SPSB1: variants seen among roughly 807,000 people sequenced by gnomAD.
SPSB1 encodes SPRY domain-containing SOCS box protein 1.
In SPSB1, 8 loss-of-function variants were observed where a neutral mutation model predicts 21.2. The ratio of observed to expected loss-of-function variants is 0.38; its 90% CI spans 0.22 to 0.68. SPSB1 has a LOEUF of 0.68. SPSB1 is among the 30% of genes least tolerant of loss of function. The pLI, the probability that SPSB1 is intolerant of heterozygous loss-of-function variation, is 0.53. For synonymous variants in SPSB1, 169 were observed against 161.7 expected, an observed-to-expected ratio of 1.05 and a Z score of -0.34; for missense variants, 242 against 377.8, an observed-to-expected ratio of 0.64 and a Z score of 2.98.
Position 9,356,577 on chromosome 1 carries a change from G to A in SPSB1, c.686G>A (p.Gly229Glu). The change falls in exon 2 of 3, where the codon GGA (glycine) becomes GAA (glutamate). Residue 229 changes from glycine to glutamate, a missense_variant. Physicochemically the swap from Gly to Glu is moderately conservative, Grantham distance 98. Coordinates refer to ENST00000328089, the MANE Select transcript of SPSB1 (RefSeq NM_025106.4). This position sits in a 1 kb window ranked among gnomAD's most constrained non-coding sequence, Gnocchi z 7.4. ...GAGATCCGAATGCGCTACTTGAACG[G>A]ACTCGATCGTAAGTGTCTCCTCTGC... The part of the protein sequence containing the change: ...HCEIRMRYLN[G>E]LDPEPLPLMD... 6.3e-7 allele frequency: 1 copy of A among 1,587,990 alleles called. No homozygotes were observed. Among genetic ancestry groups the A allele is most frequent in the Non-Finnish European group, 8.6e-7 (1 of 1,162,616 alleles).
Position 9,348,288 on chromosome 1 carries a change from C to T in SPSB1, c.-149-7455C>T, listed in dbSNP as rs544764581. 3.0e-4 allele frequency among the ~76,000 whole-genome samples: 46 copies of T among 152,194 alleles called. No homozygotes were observed. Among genetic ancestry groups the T allele is most frequent in the Admixed American group, 2.6e-3 (39 of 15,276 alleles). On this transcript the variant is annotated intron_variant, in intron 1 of 2. Coordinates refer to ENST00000328089, the MANE Select transcript of SPSB1 (RefSeq NM_025106.4). This position sits in a 1 kb window ranked among gnomAD's most constrained non-coding sequence, Gnocchi z 4.8. ...CCACAGCACTGTCTCGCTCCTGTCT[C>T]GGCGGTAGTGCTGTGTCTAGCATCA...
At chr1:9,309,301 AGT>A (rs35952855) in intron 1 of SPSB1, among the ~76,000 whole-genome samples, 3,809 of 132,974 alleles carry the variant, frequency 0.029, 58 homozygotes, top group Middle Eastern at 0.047. Flanking sequence ...AGAGAGAGAG[AGT>A]GTGTGTGTGT....
At chr1:9,327,929 C>A (rs1639843157) in intron 1 of SPSB1, among the ~76,000 whole-genome samples, 1 of 152,232 alleles carries the variant, frequency 6.6e-6, no homozygotes, top group African/African-American at 2.4e-5. Context: ...AGAGGACGGG[C>A]CCTAACGGGG....
chr1:9,337,854 G>A (rs550518231), intron 1 of SPSB1, among the ~76,000 whole-genome samples: 2 of 152,228 alleles, frequency 1.3e-5, no homozygotes, highest in African/African-American at 4.8e-5. Flanking sequence ...TCTAGCCGAA[G>A]ATCAGCATGG....
rs1184438800 is a variant in SPSB1, at chr1:9,356,247, C to T, written c.356C>T (p.Thr119Met). The part of the protein sequence containing the change: ...RGTHAVVGVA[T>M]ADAPLHSVGY... ...ACACACGCCGTGGTGGGGGTGGCGA[C>T]GGCAGACGCCCCCCTGCACTCTGTC... The change falls in exon 2 of 3, where the codon ACG (threonine) becomes ATG (methionine). Residue 119 changes from threonine (T) to methionine (M), a missense_variant. Physicochemically the swap from Thr to Met is moderately conservative, Grantham distance 81. Coordinates refer to ENST00000328089, the MANE Select transcript of SPSB1 (RefSeq NM_025106.4). This position sits in a 1 kb window ranked among gnomAD's most constrained non-coding sequence, Gnocchi z 7.4. 5.6e-6 allele frequency: 9 copies of T among 1,607,514 alleles called. No individual in the cohort carries two copies. Among genetic ancestry groups the T allele is most frequent in the African/African-American group, 1.3e-5 (1 of 74,978 alleles).
intron 1 of SPSB1, among the ~76,000 whole-genome samples, chr1:9,334,376 G>A (rs1441356228): frequency 2.6e-5 from 4 of 152,064 alleles, no homozygotes; most frequent in African/African-American, 7.2e-5. Flanking sequence ...ATGAGCCACC[G>A]TGCCTGGTCA....
At chr1:9,315,106 C>T (rs1037236781) in intron 1 of SPSB1, among the ~76,000 whole-genome samples, 2 of 152,234 alleles carry the variant, frequency 1.3e-5, no homozygotes, top group Non-Finnish European at 2.9e-5. Flanking sequence ...TGAATCTCCC[C>T]TCTCTGTAGA....
At position 9,318,669 on chromosome 1, in the gene SPSB1, C is replaced by T. The variant is rs189472675; in HGVS notation, c.-150+25598C>T. Reference sequence around the variant, plus strand: ...AAGCCAGACCGTGTGGCTGGTGCCTCGGAGGCAGCTGTTTCCACCATTCAG... The same window carrying T: ...AAGCCAGACCGTGTGGCTGGTGCCTTGGAGGCAGCTGTTTCCACCATTCAG... On this transcript the variant is annotated intron_variant, in intron 1 of 2. Coordinates refer to ENST00000328089, the MANE Select transcript of SPSB1 (RefSeq NM_025106.4). Among the ~76,000 whole-genome samples, 99 of 152,314 alleles carry T rather than the reference C, an allele frequency of 6.5e-4. 1 individual carries two copies. Among genetic ancestry groups the T allele is most frequent in the African/African-American group, 1.1e-3 (44 of 41,562 alleles).
At chr1:9,337,431 T>A (rs1640021308) in intron 1 of SPSB1, among the ~76,000 whole-genome samples, 1 of 151,426 alleles carries the variant, frequency 6.6e-6, no homozygotes, top group Non-Finnish European at 1.5e-5. Flanking sequence ...ACCTAGCCAG[T>A]GAGATTGTTC....
intron 1 of SPSB1, among the ~76,000 whole-genome samples, chr1:9,300,490 G>A (rs141911800): frequency 1.3e-5 from 2 of 152,330 alleles, no homozygotes; most frequent in East Asian, 1.9e-4. Context: ...TAGATGAATC[G>A]CAGTACAGGC....
chr1:9,359,958 G>A (rs914007804), intron 2 of SPSB1, among the ~76,000 whole-genome samples: 10 of 152,174 alleles, frequency 6.6e-5, no homozygotes, highest in African/African-American at 2.4e-4. Context: ...CATTGTTTGG[G>A]TTGAGCAGGT....
intron 1 of SPSB1, among the ~76,000 whole-genome samples, chr1:9,349,024 G>A (rs1640209082): frequency 6.6e-6 from 1 of 152,100 alleles, no homozygotes; most frequent in Admixed American, 6.5e-5. Flanking sequence ...CTCCCACTGG[G>A]AGAAGAAGTT....
In SPSB1 at chr1:9,345,764, C is replaced by A. The variant is rs536655567; in HGVS notation, c.-149-9979C>A. ...GAGGTCAGGGACTAGAGCTCTGGAC[C>A]GTGTGGGATTTTCTCTCCAAAATCA... On this transcript the variant is annotated intron_variant, in intron 1 of 2. Coordinates refer to ENST00000328089, the MANE Select transcript of SPSB1 (RefSeq NM_025106.4). This position sits in a 1 kb window ranked among gnomAD's most constrained non-coding sequence, Gnocchi z 4.8. 3.3e-4 allele frequency among the ~76,000 whole-genome samples: 50 copies of A among 152,270 alleles called. No individual in the cohort carries two copies. The highest frequency in any genetic ancestry group is 1.5e-3 in the Admixed American group (23 of 15,296).
At chr1:9,349,006 G>T (rs1640208891) in intron 1 of SPSB1, among the ~76,000 whole-genome samples, 1 of 152,078 alleles carries the variant, frequency 6.6e-6, no homozygotes, top group Admixed American at 6.6e-5. Context: ...TGTAGTGGTG[G>T]GGTATTCCTC....
chr1:9,340,716 C>T (rs1039814147), intron 1 of SPSB1, among the ~76,000 whole-genome samples: 2 of 152,248 alleles, frequency 1.3e-5, no homozygotes, highest in African/African-American at 2.4e-5. Context: ...GGGATGCACC[C>T]GTCCCCTGCT....
At chr1:9,338,048 A>G (rs143156131) in intron 1 of SPSB1, among the ~76,000 whole-genome samples, 4 of 152,314 alleles carry the variant, frequency 2.6e-5, no homozygotes, top group Non-Finnish European at 5.9e-5. Flanking sequence ...GGTGCAGGGA[A>G]GAGGGAGCAG....
chr1:9,298,302 T>C (rs1639258473), intron 1 of SPSB1, among the ~76,000 whole-genome samples: 1 of 152,076 alleles, frequency 6.6e-6, no homozygotes, highest in African/African-American at 2.4e-5. Flanking sequence ...AGAAAAATAA[T>C]TAAAACAGAA....
intron 1 of SPSB1, among the ~76,000 whole-genome samples, chr1:9,343,760 C>T (rs1640126145): frequency 6.6e-6 from 1 of 152,034 alleles, no homozygotes; most frequent in South Asian, 2.1e-4. Flanking sequence ...TGCTCTTGTA[C>T]AGAGATCCTT....
At chr1:9,309,055 T>C (rs1414747296) in intron 1 of SPSB1, among the ~76,000 whole-genome samples, 3 of 151,736 alleles carry the variant, frequency 2.0e-5, no homozygotes, top group Non-Finnish European at 4.4e-5. Flanking sequence ...GGGGGTTTCA[T>C]GGTAGGGGAC....
Sources: allele counts gnomAD v4.1 joint callset (sites outside exome capture counted in the v4.1 genomes callset), GRCh38; gene constraint gnomAD v4.1.1; non-coding constraint Gnocchi (gnomAD v3.1); transcripts MANE v1.5; gene names NCBI Gene and HGNC (gene_info 2026-07-23, HGNC 2026-07-21).